DCC: variants seen among roughly 807,000 people sequenced by gnomAD.
The protein encoded by DCC is DCC netrin 1 receptor.
A neutral mutation model predicts 172.5 loss-of-function variants in DCC; 58 were observed. The observed-to-expected ratio is 0.34, with a 90% CI of 0.27 to 0.42. The LOEUF is 0.42. Among genes scored for constraint, DCC ranks in the 10% least tolerant of loss-of-function variants. The pLI is 1.00. For synonymous variants in DCC, 709 were observed against 644.5 expected, an observed-to-expected ratio of 1.10 and a Z score of -1.52; for missense variants, 1,740 against 1,791.0, an observed-to-expected ratio of 0.97 and a Z score of 0.51.
chr18:52,426,120 G>A (rs111636607), intron 1 of DCC, among the ~76,000 whole-genome samples: 260 of 152,112 alleles, frequency 1.7e-3, no homozygotes, highest in Non-Finnish European at 2.8e-3. Context: ...AAATGTTGTA[G>A]TTTTGAAACA....
intron 1 of DCC, among the ~76,000 whole-genome samples, chr18:52,716,282 A>G (rs1280425248): frequency 2.0e-5 from 3 of 152,238 alleles, no homozygotes; most frequent in Non-Finnish European, 4.4e-5. Flanking sequence ...TCTGGGCAAC[A>G]GAAAATCGCA....
intron 1 of DCC, among the ~76,000 whole-genome samples, chr18:52,537,315 A>G (rs1282426308): frequency 6.6e-6 from 1 of 152,226 alleles, no homozygotes; most frequent in African/African-American, 2.4e-5. Flanking sequence ...TGGGCTGCAA[A>G]ACATAAACAA....
At chr18:52,936,410 C>T (rs1285464959) in intron 5 of DCC, among the ~76,000 whole-genome samples, 2 of 121,840 alleles carry the variant, frequency 1.6e-5, no homozygotes, top group Admixed American at 1.6e-4. Context: ...TTATTTATTA[C>T]ACAAATATTT....
intron 1 of DCC, among the ~76,000 whole-genome samples, chr18:52,647,784 A>G (rs1393668276): frequency 2.6e-5 from 4 of 152,242 alleles, no homozygotes; most frequent in Non-Finnish European, 5.9e-5. Context: ...TCACTAACTT[A>G]TTCAGTGAAG....
At chr18:53,020,486 C>T (rs143252304) in intron 5 of DCC, among the ~76,000 whole-genome samples, 50 of 152,166 alleles carry the variant, frequency 3.3e-4, no homozygotes, top group Non-Finnish European at 4.9e-4. Flanking sequence ...TGAACCTGCA[C>T]CAAAAGTTAT....
chr18:53,515,717 A>G (rs2144564534), intron 27 of DCC, among the ~76,000 whole-genome samples: 1 of 151,332 alleles, frequency 6.6e-6, no homozygotes, highest in Non-Finnish European at 1.5e-5. Flanking sequence ...AAAGAGAATA[A>G]AATACCCAGG....
At chr18:53,402,949 A>T in intron 19 of DCC, 56 bp downstream of exon 19, 1 of 1,264,456 alleles carries the variant, frequency 7.9e-7, no homozygotes, top group East Asian at 2.3e-5. Flanking sequence ...ATAATTGCTT[A>T]CCCCCTACAT....
At chr18:52,962,540 A>G (rs2040858842) in intron 5 of DCC, among the ~76,000 whole-genome samples, 3 of 152,026 alleles carry the variant, frequency 2.0e-5, no homozygotes, top group Admixed American at 1.3e-4. Context: ...TGTGGAATTC[A>G]GTGTGGCGAT....
chr18:53,380,033 G>A (rs1907595434), intron 15 of DCC, among the ~76,000 whole-genome samples: 1 of 152,076 alleles, frequency 6.6e-6, no homozygotes, highest in Non-Finnish European at 1.5e-5. Context: ...ATTTTAGCAA[G>A]TACAAAAAAA....
chr18:53,319,877 C>T (rs1780866333), intron 13 of DCC, among the ~76,000 whole-genome samples: 1 of 151,850 alleles, frequency 6.6e-6, no homozygotes, highest in Non-Finnish European at 1.5e-5. Context: ...TTATTCCCAT[C>T]GACAAAATAC....
At chr18:53,153,783 G>A (rs1184388874) in intron 7 of DCC, among the ~76,000 whole-genome samples, 1 of 152,070 alleles carries the variant, frequency 6.6e-6, no homozygotes, top group East Asian at 1.9e-4. Context: ...TTAAGGTTTG[G>A]GATCTGCTTC....
At position 52,711,288 on chromosome 18, in the gene DCC, C is replaced by T. The variant is rs118033498; in HGVS notation, c.92-40766C>T. Among the ~76,000 whole-genome samples, 447 of 152,026 alleles carry T rather than the reference C, an allele frequency of 2.9e-3. 14 individuals carry two copies. The East Asian group carries it at 0.064, about 22-fold the overall frequency. ...TGTTGCCCAGGCTGGAGTGCAATGG[C>T]GCAATCTTGGCTCACCGCAACCTCT... On this transcript the variant is annotated intron_variant, in intron 1 of 28. Transcript: ENST00000442544.
chr18:52,379,115 G>A lies in DCC; in HGVS notation c.91+38237G>A, dbSNP rs551297476. Among the ~76,000 whole-genome samples, 26 of 152,232 alleles carry A rather than the reference G, an allele frequency of 1.7e-4. No individual in the cohort carries two copies. In the South Asian group the frequency reaches 5.4e-3, roughly 32 times the overall value. On this transcript the variant is annotated intron_variant, in intron 1 of 28. Transcript: ENST00000442544. ...AGCAAACCTCTCTCAGGTGCCACGG[G>A]AAATGTGATGTTTCATTTAAATGTT... is the stretch of plus-strand genomic sequence containing the variant.
chr18:53,251,487 T>C (rs1297772174), intron 12 of DCC, among the ~76,000 whole-genome samples: 1 of 151,978 alleles, frequency 6.6e-6, no homozygotes, highest in South Asian at 2.1e-4. Context: ...TGCATTTATA[T>C]GCTAAATAAT....
At chr18:53,446,158 C>T (rs535475105) in intron 22 of DCC, among the ~76,000 whole-genome samples, 1 of 148,348 alleles carries the variant, frequency 6.7e-6, no homozygotes, top group Non-Finnish European at 1.5e-5. Context: ...GTGGCATGCA[C>T]CTCTGTAGTC....
In DCC at chr18:52,849,307, T is replaced by TC. The variant is rs549695410; in HGVS notation, c.413-56733dup. 2.2e-3 allele frequency among the ~76,000 whole-genome samples: 334 copies of TC among 152,242 alleles called. 3 individuals carry two copies. Among genetic ancestry groups the TC allele is most frequent in the African/African-American group, 7.6e-3 (317 of 41,552 alleles). ...CTACCTCAGTTAATTATGTGTTGTT[T>TC]CCCCTTGAAAATCAGCAGGAATGCC... On this transcript the variant is annotated intron_variant, in intron 2 of 28. Transcript: ENST00000442544.
At chr18:52,773,242 A>C (rs907178641) in intron 2 of DCC, among the ~76,000 whole-genome samples, 3 of 152,194 alleles carry the variant, frequency 2.0e-5, no homozygotes, top group Non-Finnish European at 4.4e-5. Flanking sequence ...TCAAACTATG[A>C]TTCTGGCCTT....
intron 15 of DCC, among the ~76,000 whole-genome samples, chr18:53,363,358 G>C (rs918216456): frequency 6.6e-6 from 1 of 152,094 alleles, no homozygotes; most frequent in Non-Finnish European, 1.5e-5. Flanking sequence ...TAAAATTACA[G>C]AAGTTTAAAA....
intron 9 of DCC, among the ~76,000 whole-genome samples, chr18:53,202,169 C>T (rs771188726): frequency 2.6e-5 from 4 of 152,086 alleles, no homozygotes; most frequent in Admixed American, 6.6e-5. Flanking sequence ...ACTAAAAGAA[C>T]CAGAAAACCT....
Sources: allele counts gnomAD v4.1 joint callset (sites outside exome capture counted in the v4.1 genomes callset), GRCh38; gene constraint gnomAD v4.1.1; transcripts MANE v1.5; gene names NCBI Gene and HGNC (gene_info 2026-07-23, HGNC 2026-07-21).